The following BRINP3 variants were observed in gnomAD, a reference collection of about 807,000 sequenced individuals.
BRINP3 encodes BMP/retinoic acid-inducible neural-specific protein 3.
A neutral mutation model predicts 71.0 loss-of-function variants in BRINP3; 19 were observed. The observed-to-expected ratio is 0.27, with a 90% CI of 0.19 to 0.39. The LOEUF is 0.39. Among genes scored for constraint, BRINP3 ranks in the 10% least tolerant of loss-of-function variants. The pLI, the probability that BRINP3 is intolerant of heterozygous loss-of-function variation, is 1.00. For missense variants in BRINP3, 959 were observed against 940.8 expected (o/e 1.02, Z -0.25); for synonymous variants, 380 against 337.7 (o/e 1.13, Z -1.37).
chr1:190,117,042 A>G lies in BRINP3; in HGVS notation c.1185-17908T>C, dbSNP rs545372924. 3.9e-5 allele frequency among the ~76,000 whole-genome samples: 6 copies of G among 152,158 alleles called. No individual in the cohort carries two copies. In the South Asian group the frequency reaches 1.2e-3, roughly 32 times the overall value. ...GCTATTTAATCTCCTCCTTCATACA[A>G]AACATAGTTGACCTTCTCAGCATAA... On this transcript the variant is annotated intron_variant, in intron 7 of 7. Coordinates refer to ENST00000367462, the MANE Select transcript of BRINP3 (RefSeq NM_199051.3).
chr1:190,249,612 G>A (rs1378918818), intron 4 of BRINP3, among the ~76,000 whole-genome samples: 1 of 151,678 alleles, frequency 6.6e-6, no homozygotes, highest in Non-Finnish European at 1.5e-5. Flanking sequence ...ATAATTTCCA[G>A]GTTTACATCA....
chr1:190,287,436 A>T (rs1054655003), intron 2 of BRINP3, among the ~76,000 whole-genome samples: 1 of 152,194 alleles, frequency 6.6e-6, no homozygotes, highest in Non-Finnish European at 1.5e-5. Context: ...CAAACTTTTT[A>T]AAATAAATTT....
chr1:190,103,482 C>CAGGA (rs1312125740), intron 7 of BRINP3, among the ~76,000 whole-genome samples: 1 of 151,956 alleles, frequency 6.6e-6, no homozygotes, highest in Admixed American at 6.6e-5. Flanking sequence ...TCCTGGGCCC[C>CAGGA]ATCCCAGACA....
intron 2 of BRINP3, among the ~76,000 whole-genome samples, chr1:190,439,104 C>T (rs1324016561): frequency 2.0e-5 from 3 of 151,724 alleles, no homozygotes; most frequent in African/African-American, 4.8e-5. Flanking sequence ...ACCCAAAAGG[C>T]GAGAGGCGTA....
rs540411400 is a variant in BRINP3 at position 190,412,144 on chromosome 1, TA to T, written c.236+42510del. Among the ~76,000 whole-genome samples the T allele has an allele frequency of 2.5e-4, 35 of 141,814 alleles. 1 individual carries two copies. The highest frequency in any genetic ancestry group is 2.6e-4 in the Non-Finnish European group (17 of 64,540). The allele number at this position is 141,814 out of a possible 152,430, so 93.0% of individuals were successfully genotyped here. A position where few individuals can be genotyped will look rare whatever the true frequency, so the allele number is the denominator to read the frequency against. On this transcript the variant is annotated intron_variant, in intron 2 of 7. Coordinates refer to ENST00000367462, the MANE Select transcript of BRINP3 (RefSeq NM_199051.3). ...CAATACCTAAAATAGCAGAACTCAA[TA>T]AAAAAAAAAGTACCTAACAGAAAAA... is the stretch of plus-strand genomic sequence containing the variant.
chr1:190,368,703 T>C (rs1669665484), intron 2 of BRINP3, among the ~76,000 whole-genome samples: 1 of 152,052 alleles, frequency 6.6e-6, no homozygotes, highest in African/African-American at 2.4e-5. Context: ...AAGATAAGGG[T>C]AATCACCCCA....
chr1:190,239,812 T>C (rs1162429182), intron 4 of BRINP3, among the ~76,000 whole-genome samples: 2 of 152,034 alleles, frequency 1.3e-5, no homozygotes, highest in African/African-American at 4.8e-5. Flanking sequence ...CAAATTTGGA[T>C]TTTCATACAT....
intron 7 of BRINP3, among the ~76,000 whole-genome samples, chr1:190,152,980 T>G (rs1311951666): frequency 6.6e-6 from 1 of 151,950 alleles, no homozygotes; most frequent in Admixed American, 6.6e-5. Flanking sequence ...TAGGTTAGAG[T>G]AGAAATATTA....
At chr1:190,106,023 T>C (rs1183759433) in intron 7 of BRINP3, among the ~76,000 whole-genome samples, 1 of 151,936 alleles carries the variant, frequency 6.6e-6, no homozygotes. Context: ...AAATCATATA[T>C]ATTAAAATAA....
At position 190,301,154 on chromosome 1, in the gene BRINP3, C is replaced by T. The variant is rs1010775367; in HGVS notation, c.237-19404G>A. Among the ~76,000 whole-genome samples, 45 of 108,632 alleles carry T rather than the reference C, an allele frequency of 4.1e-4. No individual in the cohort carries two copies. In the East Asian group the frequency reaches 0.011, roughly 26 times the overall value. 71.3% of individuals were successfully genotyped at this position (108,632 alleles called of 152,430 possible). On this transcript the variant is annotated intron_variant, in intron 2 of 7. Coordinates refer to ENST00000367462, the MANE Select transcript of BRINP3 (RefSeq NM_199051.3). ...ACATACATATATATATACACACATACATATATATATACATATATATACATA... is the reference window on the plus strand; with the variant it reads ...ACATACATATATATATACACACATATATATATATATACATATATATACATA...
chr1:190,420,856 A>G (rs957691896), intron 2 of BRINP3, among the ~76,000 whole-genome samples: 6 of 151,830 alleles, frequency 4.0e-5, no homozygotes, highest in Non-Finnish European at 5.9e-5. Context: ...AGAAAAAGAC[A>G]ATGTTTCCAG....
intron 6 of BRINP3, among the ~76,000 whole-genome samples, chr1:190,203,764 T>A (rs192726829): frequency 1.3e-3 from 2 of 1,502 alleles, no homozygotes; most frequent in Admixed American, 6.3e-3. Context: ...TATATATATA[T>A]ATATATATAT....
At chr1:190,296,657 A>G (rs2102983252) in intron 2 of BRINP3, among the ~76,000 whole-genome samples, 1 of 152,222 alleles carries the variant, frequency 6.6e-6, no homozygotes, top group South Asian at 2.1e-4. Flanking sequence ...AATCTTACAC[A>G]AAGAAAACCC....
intron 1 of BRINP3, among the ~76,000 whole-genome samples, chr1:190,464,146 T>TTA (rs1406101633): frequency 5.3e-4 from 79 of 149,516 alleles, no homozygotes; most frequent in African/African-American, 1.9e-3. Flanking sequence ...TGTTTTTTTT[T>TTA]AAAAAAAAAA....
intron 7 of BRINP3, among the ~76,000 whole-genome samples, chr1:190,157,966 C>G (rs189642806): frequency 9.6e-4 from 146 of 152,134 alleles, no homozygotes; most frequent in African/African-American, 2.6e-3. Context: ...TTTGCAGTAA[C>G]ATGAATGCAG....
chr1:190,447,277 C>G (rs1290557056), intron 2 of BRINP3, among the ~76,000 whole-genome samples: 1 of 132,260 alleles, frequency 7.6e-6, no homozygotes, highest in African/African-American at 2.7e-5. Context: ...AGACTATTAC[C>G]CTATATATAT....
chr1:190,126,304 A>C (rs1654081575), intron 7 of BRINP3, among the ~76,000 whole-genome samples: 1 of 151,934 alleles, frequency 6.6e-6, no homozygotes, highest in African/African-American at 2.4e-5. Flanking sequence ...ATGGTATTAC[A>C]TTGTATCTCT....
At chr1:190,301,730 A>G (rs1002066013) in intron 2 of BRINP3, among the ~76,000 whole-genome samples, 1 of 151,998 alleles carries the variant, frequency 6.6e-6, no homozygotes, top group East Asian at 1.9e-4. Context: ...ATTTAAAGGT[A>G]GAGTTTTCTA....
At chr1:190,294,375 T>A (rs531610497) in intron 2 of BRINP3, among the ~76,000 whole-genome samples, 1 of 151,770 alleles carries the variant, frequency 6.6e-6, no homozygotes, top group African/African-American at 2.4e-5. Context: ...TCCTCCCAGC[T>A]CAGCCTCCTG....
Sources: gnomAD v4.1 joint callset for allele counts (sites outside exome capture counted in the v4.1 genomes callset) on GRCh38, gnomAD v4.1.1 for gene constraint, MANE v1.5 for transcripts, NCBI Gene and HGNC (gene_info 2026-07-23, HGNC 2026-07-21) for gene names.